The following SHANK2 variants were observed in gnomAD, a reference collection of about 807,000 sequenced individuals.
The protein encoded by SHANK2 is SH3 and multiple ankyrin repeat domains protein 2.
A neutral mutation model predicts 133.7 loss-of-function variants in SHANK2; 43 were observed. The observed-to-expected ratio is 0.32, with a 90% confidence interval of 0.25 to 0.41. The LOEUF (loss-of-function observed/expected upper bound fraction) is 0.41. Ranked by LOEUF, SHANK2 falls within the 10% of genes least tolerant of loss-of-function variation. The pLI, the probability that SHANK2 is intolerant of heterozygous loss-of-function variation, is 1.00. For synonymous variants in SHANK2, 1,017 were observed against 952.8 expected, an observed-to-expected ratio of 1.07 and a Z score of -1.24; for missense variants, 1,994 against 2,235.8, an observed-to-expected ratio of 0.89 and a Z score of 2.18.
At position 70,937,817 on chromosome 11, in the gene SHANK2, C is replaced by T. The variant is rs140547073; in HGVS notation, c.1108-41250G>A. Among the ~76,000 whole-genome samples, 94 of 152,146 alleles carry T rather than the reference C, an allele frequency of 6.2e-4. 2 individuals are homozygous for T. Among genetic ancestry groups the T allele is most frequent in the African/African-American group, 2.1e-3 (89 of 41,488 alleles). Reference sequence around the variant, plus strand: ...CTTATTGTTGAGGAACACAAATCCACTCAGATGGGCTCAGTCCCAGAGGCA... The same window carrying T: ...CTTATTGTTGAGGAACACAAATCCATTCAGATGGGCTCAGTCCCAGAGGCA... On this transcript the variant is annotated intron_variant, in intron 10 of 25. Transcript: ENST00000601538.
intron 17 of SHANK2, among the ~76,000 whole-genome samples, chr11:70,658,865 C>A (rs1448222795): frequency 6.6e-6 from 1 of 152,218 alleles, no homozygotes; most frequent in Non-Finnish European, 1.5e-5. Context: ...ACGTACCCAC[C>A]CCTTCCACCT....
At chr11:70,912,622 T>C (rs978569510) in intron 10 of SHANK2, among the ~76,000 whole-genome samples, 3 of 152,200 alleles carry the variant, frequency 2.0e-5, no homozygotes, top group Non-Finnish European at 2.9e-5. Flanking sequence ...TAAACCATGA[T>C]GATGCATCGT....
chr11:70,675,758 T>C (rs923724008), intron 15 of SHANK2, among the ~76,000 whole-genome samples: 3 of 152,034 alleles, frequency 2.0e-5, no homozygotes, highest in African/African-American at 7.2e-5. Context: ...AAATTTGAAA[T>C]TGGAAATGGT....
chr11:70,562,911 C>A (rs1183969584), intron 17 of SHANK2, among the ~76,000 whole-genome samples: 1 of 152,150 alleles, frequency 6.6e-6, no homozygotes, highest in Non-Finnish European at 1.5e-5. Context: ...CTCGCTCTGT[C>A]ACTAAGGTGG....
chr11:70,487,608 G>A lies in SHANK2; in HGVS notation c.2685C>T (p.Pro895=). Residue 895 remains proline, a synonymous_variant, in exon 25 of 26, where the codon CCC becomes CCT. Transcript: ENST00000601538. This position sits in a 1 kb window ranked among gnomAD's most constrained non-coding sequence, Gnocchi z 5.8. ...EDIPPPPQSV[P]PSPPPPSPTT... ...TTGGGGAAGGTGGTGGTGGGGACGG[G>A]GGCACAGACTGCGGTGGAGGGGGGA... 1 of 1,610,962 alleles carries A rather than the reference G, an allele frequency of 6.2e-7. No individual in the cohort carries two copies. The highest frequency in any genetic ancestry group is 1.3e-5 in the African/African-American group (1 of 74,944).
chr11:71,129,131 A>T (rs1952245999), intron 3 of SHANK2, among the ~76,000 whole-genome samples: 1 of 152,206 alleles, frequency 6.6e-6, no homozygotes, highest in African/African-American at 2.4e-5. Flanking sequence ...GTAAACGTGG[A>T]TGGCATTGAA....
Position 71,175,631 on chromosome 11 carries a change from A to C in SHANK2, c.-12-28293T>G, listed in dbSNP as rs1259267978. 6.6e-6 allele frequency among the ~76,000 whole-genome samples: 1 copy of C among 151,666 alleles called. No individual in the cohort carries two copies. Among genetic ancestry groups the C allele is most frequent in the Non-Finnish European group, 1.5e-5 (1 of 67,980 alleles). On this transcript the variant is annotated intron_variant, in intron 2 of 25. Coordinates refer to ENST00000601538, the MANE Select transcript of SHANK2 (RefSeq NM_012309.5). The surrounding 1 kb of genome is among the most constrained non-coding windows in gnomAD (Gnocchi z 4.2). ...GAGACAGAGACATCGCTTCCAGCCA[A>C]GATGGAGGAAGGGAAACTGGATTTA...
chr11:71,133,237 A>AATGGATGG (rs533210236), intron 3 of SHANK2, among the ~76,000 whole-genome samples: 1,640 of 109,084 alleles, frequency 0.015, 25 homozygotes, highest in African/African-American at 0.047. Context: ...TGCACAGATG[A>AATGGATGG]ATGGATGGAT....
intron 17 of SHANK2, among the ~76,000 whole-genome samples, chr11:70,583,882 G>T (rs2060215376): frequency 6.6e-6 from 1 of 152,304 alleles, no homozygotes; most frequent in Non-Finnish European, 1.5e-5. Flanking sequence ...TGGCCCACAG[G>T]TTCCCACGGC....
chr11:71,121,366 C>A (rs1952081154), intron 3 of SHANK2, among the ~76,000 whole-genome samples: 1 of 152,220 alleles, frequency 6.6e-6, no homozygotes, highest in African/African-American at 2.4e-5. Flanking sequence ...GGAATAGGAT[C>A]TTTGCAGACG....
intron 14 of SHANK2, among the ~76,000 whole-genome samples, chr11:70,714,713 C>A (rs2134609627): frequency 6.6e-6 from 1 of 152,282 alleles, no homozygotes; most frequent in East Asian, 1.9e-4. Context: ...CTCTGAGAGT[C>A]AAGGTCACCC....
intron 17 of SHANK2, among the ~76,000 whole-genome samples, chr11:70,521,985 G>A (rs782196419): frequency 3.3e-5 from 5 of 152,162 alleles, no homozygotes; most frequent in African/African-American, 4.8e-5. Context: ...CTAATTTTCC[G>A]AGTGCACCTT....
chr11:70,894,876 G>A (rs915037200), intron 11 of SHANK2, among the ~76,000 whole-genome samples: 4 of 152,162 alleles, frequency 2.6e-5, no homozygotes, highest in Admixed American at 6.5e-5. Flanking sequence ...CACAGCAGCC[G>A]ATATTTTTAG....
intron 17 of SHANK2, among the ~76,000 whole-genome samples, chr11:70,536,180 C>T (rs782009861): frequency 1.2e-4 from 18 of 152,218 alleles, no homozygotes; most frequent in Non-Finnish European, 2.6e-4. Context: ...CTTACCCTGG[C>T]CTCACTGCCC....
intron 14 of SHANK2, among the ~76,000 whole-genome samples, chr11:70,735,273 G>T (rs1241816105): frequency 6.6e-6 from 1 of 152,226 alleles, no homozygotes; most frequent in Non-Finnish European, 1.5e-5. Context: ...AACCAGGCAG[G>T]GTCTTGGGAA....
intron 2 of SHANK2, among the ~76,000 whole-genome samples, chr11:71,201,280 C>T (rs781884563): frequency 6.6e-6 from 1 of 152,224 alleles, no homozygotes. Flanking sequence ...AGAGAGGTCT[C>T]GGCCACGAGA....
chr11:70,648,411 C>T (rs774643823), intron 17 of SHANK2, among the ~76,000 whole-genome samples: 2 of 152,184 alleles, frequency 1.3e-5, no homozygotes, highest in Non-Finnish European at 2.9e-5. Context: ...AAAGATAAGC[C>T]TTGTTATGCG....
rs549653557 is a variant in SHANK2 at position 70,827,868 on chromosome 11, T to C, written c.1175-7186A>G. On this transcript the variant is annotated intron_variant, in intron 11 of 25. Transcript: ENST00000601538. ...TGGGGGCCCCCCAGGAGCCTTTCCC[T>C]GAAGGCGTACCAGGGACGGGACTGC... 5.9e-5 allele frequency among the ~76,000 whole-genome samples: 9 copies of C among 152,182 alleles called. No individual in the cohort carries two copies. The East Asian group carries it at 1.7e-3, about 30-fold the overall frequency.
At chr11:70,676,855 T>C (rs1944914045) in intron 15 of SHANK2, among the ~76,000 whole-genome samples, 1 of 152,162 alleles carries the variant, frequency 6.6e-6, no homozygotes, top group Admixed American at 6.5e-5. Context: ...CCCTGCTCTA[T>C]ATTCAACTGT....
Sources: allele counts gnomAD v4.1 joint callset (sites outside exome capture counted in the v4.1 genomes callset), GRCh38; gene constraint gnomAD v4.1.1; non-coding constraint Gnocchi (gnomAD v3.1); transcripts MANE v1.5; gene names NCBI Gene and HGNC (gene_info 2026-07-23, HGNC 2026-07-21).